SYNPR: variants seen among roughly 807,000 people sequenced by gnomAD.
SYNPR encodes synaptoporin.
A neutral mutation model predicts 32.9 loss-of-function variants in SYNPR; 23 were observed. The observed-to-expected ratio is 0.70, with a 90% CI of 0.50 to 0.99. SYNPR has a LOEUF of 0.99. SYNPR is among the 50% of genes least tolerant of loss of function. The probability of loss-of-function intolerance (pLI) is 0.00; values close to 1 mark genes in which losing one functional copy is unlikely to be tolerated. For synonymous variants in SYNPR, 146 were observed against 135.9 expected (o/e 1.07, Z -0.52); for missense variants, 318 against 349.3 (o/e 0.91, Z 0.71).
intron 2 of SYNPR, among the ~76,000 whole-genome samples, chr3:63,301,697 A>G (rs1020732636): frequency 6.6e-6 from 1 of 152,092 alleles, no homozygotes; most frequent in Non-Finnish European, 1.5e-5. Context: ...GCTTAAATAC[A>G]TATGATTTAA....
At chr3:63,317,536 A>C (rs920928915) in intron 2 of SYNPR, among the ~76,000 whole-genome samples, 1 of 152,018 alleles carries the variant, frequency 6.6e-6, no homozygotes, top group East Asian at 1.9e-4. Flanking sequence ...GTTTTGTCTG[A>C]AAAAAGAATG....
intron 3 of SYNPR, among the ~76,000 whole-genome samples, chr3:63,523,948 A>C (rs1332180079): frequency 6.6e-6 from 1 of 152,130 alleles, no homozygotes; most frequent in African/African-American, 2.4e-5. Context: ...TCTACTGTGG[A>C]CTAGTGAAAG....
intron 4 of SYNPR, among the ~76,000 whole-genome samples, chr3:63,596,325 C>A (rs183485645): frequency 7.3e-4 from 103 of 140,346 alleles, no homozygotes; most frequent in Non-Finnish European, 1.4e-3. Context: ...CCAATGCTCC[C>A]CCTTCCCCCT....
the SYNPR span, among the ~76,000 whole-genome samples, chr3:63,211,857 C>CG: frequency 1.8e-5 from 2 of 111,940 alleles, no homozygotes; most frequent in African/African-American, 3.5e-5. Context: ...TATCCCTCCC[C>CG]CCTCCCCCGA....
At chr3:63,517,163 C>A (rs1701815903) in intron 3 of SYNPR, among the ~76,000 whole-genome samples, 1 of 152,100 alleles carries the variant, frequency 6.6e-6, no homozygotes, top group African/African-American at 2.4e-5. Context: ...CACTTAAAAT[C>A]ACAAACTGAG....
intron 3 of SYNPR, among the ~76,000 whole-genome samples, chr3:63,494,393 T>TTATATATATATATATATATATATATACG (rs60624781): frequency 3.6e-5 from 2 of 54,948 alleles, no homozygotes; most frequent in South Asian, 5.4e-4. Context: ...ATGTTAATTC[T>TTATATATATATATATATATATATATACG]TATATATATA....
chr3:63,428,897 T>C (rs1475280044), intron 2 of SYNPR, among the ~76,000 whole-genome samples: 1 of 152,118 alleles, frequency 6.6e-6, no homozygotes, highest in East Asian at 1.9e-4. Context: ...ATGAGGTGAC[T>C]CCAGATTCAA....
chr3:63,597,068 G>A (rs962293532), intron 4 of SYNPR, among the ~76,000 whole-genome samples: 6 of 152,044 alleles, frequency 3.9e-5, no homozygotes, highest in African/African-American at 1.4e-4. Context: ...GTATTAATAT[G>A]TTATATATTA....
At chr3:63,340,512 C>T (rs931670865) in intron 2 of SYNPR, among the ~76,000 whole-genome samples, 4 of 149,414 alleles carry the variant, frequency 2.7e-5, no homozygotes, top group African/African-American at 9.8e-5. Context: ...CTCCGCCTCC[C>T]GGGTTCACGC....
At chr3:63,394,271 A>AT (rs1198224795) in intron 2 of SYNPR, among the ~76,000 whole-genome samples, 2 of 152,256 alleles carry the variant, frequency 1.3e-5, no homozygotes, top group Admixed American at 6.5e-5. Flanking sequence ...ACTATAATAC[A>AT]TTTTTTAGTT....
At chr3:63,206,863 G>A in the SYNPR span, among the ~76,000 whole-genome samples, 2 of 152,168 alleles carry the variant, frequency 1.3e-5, no homozygotes, top group Non-Finnish European at 2.9e-5. Context: ...ATTGAAATTA[G>A]GTCAAGAGCA....
intron 2 of SYNPR, among the ~76,000 whole-genome samples, chr3:63,329,308 C>T (rs2087200333): frequency 6.6e-6 from 1 of 152,144 alleles, no homozygotes. Flanking sequence ...AGCTACTCTT[C>T]TTAGCCCTAT....
At chr3:63,589,764 C>A (rs113427183) in intron 4 of SYNPR, among the ~76,000 whole-genome samples, 3 of 117,414 alleles carry the variant, frequency 2.6e-5, no homozygotes, top group East Asian at 4.7e-4. Context: ...ACCCTTCATG[C>A]TAAAAACTCT....
At position 63,594,396 on chromosome 3, in the gene SYNPR, G is replaced by A. The variant is rs183864860; in HGVS notation, c.409-14729G>A. ...ATTATGAGAATTAAATGAGTAATGC[G>A]TGGAATGTTCAGTGTCTGATACATA... On this transcript the variant is annotated intron_variant, in intron 4 of 5. Transcript: ENST00000478300. Among the ~76,000 whole-genome samples, 282 of 152,242 alleles carry A rather than the reference G, an allele frequency of 1.9e-3. 1 individual carries two copies. Among genetic ancestry groups the A allele is most frequent in the Non-Finnish European group, 2.9e-3 (195 of 68,010 alleles).
chr3:63,515,641 G>A (rs1351653877), intron 3 of SYNPR, among the ~76,000 whole-genome samples: 1 of 152,062 alleles, frequency 6.6e-6, no homozygotes, highest in Non-Finnish European at 1.5e-5. Context: ...AACAGGGAAG[G>A]TTAAGACATG....
At chr3:63,265,348 C>T (rs1479354928) in intron 2 of SYNPR, among the ~76,000 whole-genome samples, 1 of 150,018 alleles carries the variant, frequency 6.7e-6, no homozygotes, top group Non-Finnish European at 1.5e-5. Context: ...GCCTCCCAGG[C>T]TCAAGTGATT....
At chr3:63,461,163 C>A (rs1179334091) in intron 2 of SYNPR, among the ~76,000 whole-genome samples, 1 of 151,948 alleles carries the variant, frequency 6.6e-6, no homozygotes, top group Non-Finnish European at 1.5e-5. Context: ...CTTTTTAAAC[C>A]TTACATCCTA....
chr3:63,464,867 A>C (rs115695398), intron 2 of SYNPR, among the ~76,000 whole-genome samples: 1 of 152,122 alleles, frequency 6.6e-6, no homozygotes, highest in Non-Finnish European at 1.5e-5. Context: ...TGGGAGCCCA[A>C]AGCTAAATTA....
At chr3:63,535,321 G>A (rs1433856225) in intron 3 of SYNPR, among the ~76,000 whole-genome samples, 2 of 151,880 alleles carry the variant, frequency 1.3e-5, no homozygotes, top group African/African-American at 4.8e-5. Context: ...AATTTTTTGT[G>A]GATAGGAAAA....
Sources: allele counts gnomAD v4.1 joint callset (sites outside exome capture counted in the v4.1 genomes callset), GRCh38; gene constraint gnomAD v4.1.1; transcripts MANE v1.5; gene names NCBI Gene and HGNC (gene_info 2026-07-23, HGNC 2026-07-21).